Variants in PRMT7 observed in about 807,000 individuals in gnomAD.
PRMT7 encodes protein arginine methyltransferase 7, also known as protein arginine N-methyltransferase 7.
A neutral mutation model predicts 85.4 loss-of-function variants in PRMT7; 75 were observed. The ratio of observed to expected loss-of-function variants is 0.88; its 90% CI spans 0.73 to 1.06. The LOEUF (loss-of-function observed/expected upper bound fraction) is 1.06. PRMT7 is among the 50% of genes least tolerant of loss of function. The probability of loss-of-function intolerance (pLI) is 0.00; values close to 1 mark genes in which losing one functional copy is unlikely to be tolerated. For synonymous variants in PRMT7, 397 were observed against 359.5 expected, an observed-to-expected ratio of 1.10 and a Z score of -1.18; for missense variants, 868 against 915.2, an observed-to-expected ratio of 0.95 and a Z score of 0.67.
At chr16:68,326,760 G>A (rs1026274347) in intron 5 of PRMT7, among the ~76,000 whole-genome samples, 2 of 152,190 alleles carry the variant, frequency 1.3e-5, no homozygotes, top group African/African-American at 4.8e-5. Flanking sequence ...GGAGGACACA[G>A]AATGGATGTC....
chr16:68,312,243 G>A (rs1241955705), intron 2 of PRMT7, 67 bp downstream of exon 2: 1 of 123,980 alleles, frequency 8.1e-6, no homozygotes, highest in Non-Finnish European at 1.6e-5. Context: ...TTTTTTTTAA[G>A]ACAGGGTCTC....
chr16:68,339,788 C>A lies in PRMT7; in HGVS notation c.747C>A (p.Ser249Arg). 6.2e-7 allele frequency: 1 copy of A among 1,612,808 alleles called. No individual in the cohort carries two copies. The highest frequency in any genetic ancestry group is 1.1e-5 in the South Asian group (1 of 91,044). Reference protein sequence around the residue: ...TVLSDVLPMFSIDFSKQVSSS... With the variant: ...TVLSDVLPMFRIDFSKQVSSS... The stretch of plus-strand genomic sequence containing the variant: ...TACATTCTTGAATATTATTCCTCAG[C>A]ATAGACTTCAGCAAGCAAGTCAGTA... Residue 249 changes from serine (S) to arginine (R), a missense_variant and splice_region_variant, in exon 9 of 19, where the codon AGC becomes AGA. Physicochemically the swap from Ser to Arg is moderately radical, Grantham distance 110. Coordinates refer to ENST00000441236, the MANE Select transcript of PRMT7 (RefSeq NM_019023.5).
rs779795340 is a variant in PRMT7, at chr16:68,352,250, C to G, written c.1416C>G (p.Val472=). The change falls in exon 15 of 19, where the codon GTC becomes GTG. Residue 472 remains valine (V), a splice_region_variant and synonymous_variant. Transcript: ENST00000441236. Reference sequence around the variant, plus strand: ...CCTGCTTCTCGCCCATTCACCAGGTCTCTCTCCTCCTGGGCGAGCCGTTCT... The same window carrying G: ...CCTGCTTCTCGCCCATTCACCAGGTGTCTCTCCTCCTGGGCGAGCCGTTCT... ...LTNEDLQGRK[V]SLLLGEPFFT... 9 of 1,612,838 alleles carry G rather than the reference C, an allele frequency of 5.6e-6. No homozygotes were observed. Among genetic ancestry groups the G allele is most frequent in the East Asian group, 2.2e-5 (1 of 44,878 alleles).
In PRMT7 at chr16:68,339,412, A is replaced by G. The variant is rs1198944229; in HGVS notation, c.595A>G (p.Ile199Val). 5.0e-6 allele frequency: 8 copies of G among 1,614,078 alleles called. No homozygotes were observed. In the Admixed American group the frequency reaches 5.0e-5, roughly 10 times the overall value. The stretch of plus-strand genomic sequence containing the variant: ...GTGGTCGTGGAACAAGCTATTTCCC[A>G]TCCACGTGCAGACCAGCCTCGGAGA... Reference protein sequence around the residue: ...RMWSWNKLFPIHVQTSLGEQV... With the variant: ...RMWSWNKLFPVHVQTSLGEQV... Residue 199 changes from isoleucine (I) to valine (V), a missense_variant, in exon 8 of 19, where the codon ATC becomes GTC. Coordinates refer to ENST00000441236, the MANE Select transcript of PRMT7 (RefSeq NM_019023.5).
At position 68,339,665 on chromosome 16, in the gene PRMT7, C is replaced by T; in HGVS notation, c.746+102C>T. On this transcript the variant is annotated intron_variant, in intron 8 of 18. Transcript: ENST00000441236. ...TGGGAAGGAAATCTAGCTGCTGTCA[C>T]CTGCCTCGAAGGCAAGAGTCCTTTG... The T allele has an allele frequency of 1.1e-5, 18 of 1,585,414 alleles. 1 individual carries two copies. The South Asian group carries it at 2.0e-4, about 18-fold the overall frequency.
Position 68,356,697 on chromosome 16 carries a change from A to G in PRMT7, c.1812-4A>G. The G allele has an allele frequency of 1.2e-6, 2 of 1,610,812 alleles. No individual in the cohort carries two copies. The highest frequency in any genetic ancestry group is 1.7e-6 in the Non-Finnish European group (2 of 1,179,030). On this transcript the variant is annotated splice_polypyrimidine_tract_variant and splice_region_variant and intron_variant, in intron 17 of 18. Transcript: ENST00000441236. Reference sequence around the variant, plus strand: ...CTTCTGCTGGGCCCCCCTCTCCTTGACAGGCCCGGGCAGAGCCACGCAGCG... The same window carrying G: ...CTTCTGCTGGGCCCCCCTCTCCTTGGCAGGCCCGGGCAGAGCCACGCAGCG...
intron 6 of PRMT7, among the ~76,000 whole-genome samples, chr16:68,335,161 A>G (rs748438270): frequency 3.3e-5 from 5 of 152,224 alleles, no homozygotes; most frequent in Non-Finnish European, 5.9e-5. Context: ...AATTGGTTTA[A>G]ACATTCAGGA....
At chr16:68,324,566 A>G in intron 4 of PRMT7, 117 bp from the exon 5 acceptor site, 5 of 1,280,370 alleles carry the variant, frequency 3.9e-6, no homozygotes, top group Non-Finnish European at 5.5e-6. Flanking sequence ...AGGGGCCAGA[A>G]AGGCCATAGG....
At chr16:68,348,484 C>T (rs372186442) in intron 14 of PRMT7, 53 bp downstream of exon 14, 115 of 1,459,340 alleles carry the variant, frequency 7.9e-5, no homozygotes, top group East Asian at 3.6e-4. Context: ...GTGGTCAGCA[C>T]GGCACTGAAG....
intron 3 of PRMT7, among the ~76,000 whole-genome samples, chr16:68,317,152 C>A (rs927920310): frequency 1.3e-5 from 2 of 149,878 alleles, no homozygotes; most frequent in African/African-American, 4.9e-5. Context: ...GCAGGAAAAT[C>A]ACTTGAACTC....
At chr16:68,311,218 C>T in intron 1 of PRMT7, 119 bp downstream of exon 1, 1 of 528,668 alleles carries the variant, frequency 1.9e-6, no homozygotes, top group East Asian at 3.5e-5. Context: ...ACTTGGACTC[C>T]TCCGCGTGGG....
chr16:68,341,898 G>C (rs2085594807), intron 9 of PRMT7, among the ~76,000 whole-genome samples: 2 of 152,196 alleles, frequency 1.3e-5, no homozygotes, highest in Admixed American at 1.3e-4. Flanking sequence ...CTTCACCTTA[G>C]CAGAATTCAG....
intron 13 of PRMT7, 57 bp from the exon 14 acceptor site, chr16:68,348,285 C>G (rs1233315399): frequency 7.4e-7 from 1 of 1,358,604 alleles, no homozygotes; most frequent in African/African-American, 1.5e-5. Context: ...ATTTTTTTTT[C>G]CTGACAAACA....
chr16:68,342,076 G>A (rs958106796), intron 9 of PRMT7, among the ~76,000 whole-genome samples: 3 of 152,050 alleles, frequency 2.0e-5, no homozygotes, highest in Non-Finnish European at 4.4e-5. Flanking sequence ...TCAGGAGTTC[G>A]AGACCAGCCT....
chr16:68,321,440 A>C lies in PRMT7; in HGVS notation c.110A>C (p.Asp37Ala). Residue 37 changes from aspartate (D) to alanine (A), a missense_variant, in exon 4 of 19, where the codon GAT becomes GCT. Asp to Ala is a moderately radical substitution (Grantham distance 126). Transcript: ENST00000441236. ...TTGTTTTTTAGGTCATCTTATGCAG[A>C]TATGCTACATGACAAAGACAGAGTA... ...HQEIARSSYA[D>A]MLHDKDRNVK... 1 of 1,610,804 alleles carries C rather than the reference A, an allele frequency of 6.2e-7. No homozygotes were observed. The highest frequency in any genetic ancestry group is 8.5e-7 in the Non-Finnish European group (1 of 1,177,496).
chr16:68,331,901 T>G (rs2151610516), intron 6 of PRMT7, among the ~76,000 whole-genome samples: 1 of 152,372 alleles, frequency 6.6e-6, no homozygotes, highest in Middle Eastern at 3.4e-3. Flanking sequence ...ATCCTTATCT[T>G]CTGTTCCCAC....
At position 68,340,014 on chromosome 16, in the gene PRMT7, A is replaced by G. The variant is rs371477943; in HGVS notation, c.927+46A>G. 5.9e-6 allele frequency: 9 copies of G among 1,525,414 alleles called. No homozygotes were observed. The African/African-American group carries it at 9.7e-5, about 17-fold the overall frequency. 94.5% of individuals were successfully genotyped at this position (1,525,414 alleles called of 1,614,324 possible). A position where few individuals can be genotyped will look rare whatever the true frequency, so the allele number is the denominator to read the frequency against. On this transcript the variant is annotated intron_variant, in intron 9 of 18. Transcript: ENST00000441236. ...ATGTGCCCTGTCAGGAAACTTGTCC[A>G]CTGCTGTTCATGGGAAAGTAACAGT...
At chr16:68,321,291 AT>A (rs1349787054) in intron 3 of PRMT7, 134 bp from the exon 4 acceptor site, 3 of 651,416 alleles carry the variant, frequency 4.6e-6, no homozygotes, top group Non-Finnish European at 7.5e-6. Flanking sequence ...ATAAATAAAG[AT>A]AAAAGACAAC....
At chr16:68,347,539 T>C (rs1015130791) in intron 12 of PRMT7, 92 bp from the exon 13 acceptor site, 87 of 1,394,356 alleles carry the variant, frequency 6.2e-5, no homozygotes, top group Middle Eastern at 1.8e-4. Flanking sequence ...AGGTGTGTCC[T>C]CTGTCTTAGG....
Sources: allele counts gnomAD v4.1 joint callset (sites outside exome capture counted in the v4.1 genomes callset), GRCh38; gene constraint gnomAD v4.1.1; transcripts MANE v1.5; gene names NCBI Gene and HGNC (gene_info 2026-07-23, HGNC 2026-07-21).